Variants in ARMC2 observed in about 807,000 individuals in gnomAD.
The protein encoded by ARMC2 is armadillo repeat-containing protein 2.
A neutral mutation model predicts 90.3 loss-of-function variants in ARMC2; 67 were observed. That is an observed-to-expected ratio of 0.74 (90% confidence interval 0.61 to 0.91). ARMC2 has a LOEUF of 0.91. Ranked by LOEUF, ARMC2 falls within the 40% of genes least tolerant of loss-of-function variation. ARMC2 has a pLI of 0.00. For missense variants in ARMC2, 920 were observed against 1,030.9 expected, an observed-to-expected ratio of 0.89 and a Z score of 1.47; for synonymous variants, 393 against 393.0, an observed-to-expected ratio of 1.00 and a Z score of 0.00.
the ARMC2 span, among the ~76,000 whole-genome samples, chr6:109,045,463 TC>T: frequency 7.8e-6 from 1 of 128,348 alleles, no homozygotes; most frequent in African/African-American, 4.3e-5. Flanking sequence ...GGCATATAAT[TC>T]CATTTCAGAT....
chr6:109,046,229 G>C, the ARMC2 span, among the ~76,000 whole-genome samples: 478 of 144,402 alleles, frequency 3.3e-3, 3 homozygotes, highest in African/African-American at 0.011. Flanking sequence ...GAGTGCCTGC[G>C]ATTGCAGGCA....
Position 108,914,138 on chromosome 6 carries a change from A to G in ARMC2, c.1350+1580A>G, listed in dbSNP as rs376666770. The stretch of plus-strand genomic sequence containing the variant: ...ATGTGGTTTGCTGTTTGCATCAACT[A>G]TATCACTGTGTGTGTATGTCTGTGT... On this transcript the variant is annotated intron_variant, in intron 10 of 17. Transcript: ENST00000392644. 2.6e-5 allele frequency among the ~76,000 whole-genome samples: 4 copies of G among 152,112 alleles called. No individual in the cohort carries two copies. In the East Asian group the frequency reaches 5.8e-4, roughly 22 times the overall value.
At chr6:108,869,076 T>A in intron 4 of ARMC2, 81 bp downstream of exon 4, 1 of 1,407,514 alleles carries the variant, frequency 7.1e-7, no homozygotes, top group Non-Finnish European at 9.5e-7. Context: ...TTTATATGAT[T>A]TTTCCTAACC....
the ARMC2 span, chr6:109,000,635 C>T: frequency 1.1e-5 from 18 of 1,610,110 alleles, no homozygotes; most frequent in African/African-American, 2.7e-5. Flanking sequence ...CATTTACATG[C>T]AGGTTCACTA....
intron 2 of ARMC2, among the ~76,000 whole-genome samples, chr6:108,855,679 C>T (rs1393014468): frequency 6.6e-6 from 1 of 152,186 alleles, no homozygotes; most frequent in East Asian, 1.9e-4. Context: ...GCCTTCCCAC[C>T]AGCAATGAAT....
Position 108,888,922 on chromosome 6 carries a change from T to C in ARMC2, c.672-5545T>C, listed in dbSNP as rs369036719. 1.2e-4 allele frequency among the ~76,000 whole-genome samples: 19 copies of C among 152,260 alleles called. No individual in the cohort carries two copies. The East Asian group carries it at 1.4e-3, about 11-fold the overall frequency. On this transcript the variant is annotated intron_variant, in intron 5 of 17. Transcript: ENST00000392644. The stretch of plus-strand genomic sequence containing the variant: ...CCCCAAATCGCATCACTTCCTTGTA[T>C]AAGAACCCATGACAGTTCCTTATTG...
chr6:109,038,956 G>A, the ARMC2 span, among the ~76,000 whole-genome samples: 1 of 149,066 alleles, frequency 6.7e-6, no homozygotes, highest in Non-Finnish European at 1.5e-5. Context: ...AAAGAAGGGA[G>A]AAGGGAGAAG....
the ARMC2 span, among the ~76,000 whole-genome samples, chr6:109,022,177 C>T: frequency 1.7e-4 from 26 of 151,936 alleles, no homozygotes; most frequent in African/African-American, 6.3e-4. Context: ...TAACGGGGCA[C>T]CTGGACTGAG....
At chr6:108,993,635 C>T in the ARMC2 span, among the ~76,000 whole-genome samples, 4 of 152,044 alleles carry the variant, frequency 2.6e-5, no homozygotes, top group African/African-American at 9.7e-5. Flanking sequence ...TTTAAATTAC[C>T]TGGTTTATAT....
intron 8 of ARMC2, among the ~76,000 whole-genome samples, chr6:108,906,474 C>T (rs1288026453): frequency 2.7e-5 from 4 of 150,602 alleles, no homozygotes; most frequent in Non-Finnish European, 5.9e-5. Flanking sequence ...TTTGTGCCAA[C>T]ATTTTTTTTT....
intron 8 of ARMC2, chr6:108,907,823 A>T (rs1332958806): frequency 1.3e-5 from 16 of 1,204,134 alleles, no homozygotes; most frequent in South Asian, 3.6e-5. Flanking sequence ...CAGCTCCCCC[A>T]GTTTGACCTC....
intron 5 of ARMC2, among the ~76,000 whole-genome samples, chr6:108,886,911 T>TG (rs1224798477): frequency 4.0e-5 from 6 of 151,716 alleles, no homozygotes; most frequent in Non-Finnish European, 8.8e-5. Context: ...TGTTTTGTTT[T>TG]TTTTTTTGAG....
the ARMC2 span, among the ~76,000 whole-genome samples, chr6:108,981,776 T>G: frequency 6.6e-6 from 1 of 152,088 alleles, no homozygotes; most frequent in Non-Finnish European, 1.5e-5. Context: ...CAAGTGATTC[T>G]CCTGCTCAGC....
intron 1 of ARMC2, among the ~76,000 whole-genome samples, chr6:108,849,279 A>G (rs1366412450): frequency 6.6e-6 from 1 of 152,198 alleles, no homozygotes; most frequent in Non-Finnish European, 1.5e-5. Flanking sequence ...ACCATTTATT[A>G]TATTTATCCT....
At chr6:109,009,589 G>A in the ARMC2 span, 1 of 1,066,000 alleles carries the variant, frequency 9.4e-7, no homozygotes, top group South Asian at 4.5e-5. Context: ...AACAAGCCGC[G>A]CGGCCCCGCC....
chr6:109,004,517 G>T, the ARMC2 span, among the ~76,000 whole-genome samples: 1 of 151,074 alleles, frequency 6.6e-6, no homozygotes, highest in South Asian at 2.1e-4. Flanking sequence ...GCTCACTGCA[G>T]CCTCTGCCTC....
chr6:108,963,985 C>T (rs188389792), intron 15 of ARMC2, among the ~76,000 whole-genome samples, 195 bp from the exon 16 acceptor site: 73 of 152,274 alleles, frequency 4.8e-4, no homozygotes, highest in African/African-American at 1.7e-3. Context: ...TTGGGGGAGC[C>T]AACTCTGGGA....
intron 5 of ARMC2, among the ~76,000 whole-genome samples, chr6:108,883,795 A>G (rs767158452): frequency 2.0e-5 from 3 of 152,202 alleles, no homozygotes; most frequent in Non-Finnish European, 4.4e-5. Context: ...CTACAATAAC[A>G]TGTATGGTAT....
intron 10 of ARMC2, among the ~76,000 whole-genome samples, chr6:108,914,158 CTG>C (rs1196001544): frequency 2.6e-5 from 4 of 151,848 alleles, no homozygotes; most frequent in African/African-American, 4.8e-5. Flanking sequence ...GTGTGTATGT[CTG>C]TGTGTGTGTA....
Sources: gnomAD v4.1 joint callset for allele counts (sites outside exome capture counted in the v4.1 genomes callset) on GRCh38, gnomAD v4.1.1 for gene constraint, MANE v1.5 for transcripts, NCBI Gene and HGNC (gene_info 2026-07-23, HGNC 2026-07-21) for gene names.